Variants in CALN1 observed in about 807,000 individuals in gnomAD.
CALN1 encodes calcium-binding protein 8.
In CALN1, 17 loss-of-function variants were observed where a neutral mutation model predicts 30.6. That is an observed-to-expected ratio of 0.56 (90% CI 0.38 to 0.83). CALN1 has a LOEUF of 0.83. Among genes scored for constraint, CALN1 ranks in the 40% least tolerant of loss-of-function variants. The probability of loss-of-function intolerance (pLI) is 0.00; values close to 1 mark genes in which losing one functional copy is unlikely to be tolerated. For missense variants in CALN1, 291 were observed against 354.9 expected (o/e 0.82, Z 1.45); for synonymous variants, 156 against 131.4 (o/e 1.19, Z -1.28).
chr7:72,138,641 G>T (rs1476282259), intron 3 of CALN1, among the ~76,000 whole-genome samples: 1 of 152,158 alleles, frequency 6.6e-6, no homozygotes, highest in Non-Finnish European at 1.5e-5. Flanking sequence ...GAGGCTGCCT[G>T]CCATCCCATT....
At chr7:72,087,567 G>C (rs2129539412) in intron 4 of CALN1, among the ~76,000 whole-genome samples, 1 of 152,290 alleles carries the variant, frequency 6.6e-6, no homozygotes, top group South Asian at 2.1e-4. Flanking sequence ...AGCCAGATTA[G>C]AAAAGCGACA....
intron 2 of CALN1, among the ~76,000 whole-genome samples, chr7:72,386,743 C>T (rs867100149): frequency 6.6e-6 from 1 of 152,090 alleles, no homozygotes; most frequent in Admixed American, 6.5e-5. Flanking sequence ...TCAAGAGATC[C>T]TCCTACCTCA....
chr7:72,421,371 A>G (rs1012565628), intron 1 of CALN1, among the ~76,000 whole-genome samples: 3 of 152,050 alleles, frequency 2.0e-5, no homozygotes, highest in Non-Finnish European at 4.4e-5. Context: ...GGAAAACCGA[A>G]AGAATAATTC....
chr7:72,026,701 C>A (rs1200236622), intron 4 of CALN1, among the ~76,000 whole-genome samples: 6 of 152,026 alleles, frequency 3.9e-5, no homozygotes, highest in Admixed American at 6.5e-5. Context: ...CAGGCATGAG[C>A]CACCATACCT....
chr7:72,173,574 T>G (rs78948681), intron 3 of CALN1, among the ~76,000 whole-genome samples: 1 of 152,054 alleles, frequency 6.6e-6, no homozygotes, highest in Non-Finnish European at 1.5e-5. Context: ...GAAGGCCCAG[T>G]CAAAAGGACA....
At chr7:72,083,852 T>G (rs919118148) in intron 4 of CALN1, among the ~76,000 whole-genome samples, 1 of 147,952 alleles carries the variant, frequency 6.8e-6, no homozygotes, top group South Asian at 2.2e-4. Context: ...CATATCTAAG[T>G]ACAGCACAGA....
At chr7:72,328,038 G>C (rs886269020) in intron 2 of CALN1, among the ~76,000 whole-genome samples, 2 of 152,016 alleles carry the variant, frequency 1.3e-5, no homozygotes, top group Non-Finnish European at 2.9e-5. Flanking sequence ...AAATGTTAAT[G>C]GTATTGAGAA....
chr7:72,054,292 A>T (rs1309800042), intron 4 of CALN1, among the ~76,000 whole-genome samples: 1 of 151,686 alleles, frequency 6.6e-6, no homozygotes, highest in Non-Finnish European at 1.5e-5. Context: ...TTTTCATAGT[A>T]GCCATTCTTA....
chr7:72,379,616 C>T (rs542301325), intron 2 of CALN1, among the ~76,000 whole-genome samples: 3 of 152,226 alleles, frequency 2.0e-5, no homozygotes, highest in Non-Finnish European at 4.4e-5. Context: ...CAAATTTCAC[C>T]TTGAAAACTC....
At chr7:72,210,887 GA>G (rs1792343151) in intron 3 of CALN1, among the ~76,000 whole-genome samples, 1 of 151,208 alleles carries the variant, frequency 6.6e-6, no homozygotes, top group South Asian at 2.1e-4. Context: ...CCGGTCTCCA[GA>G]AAAAAATTAA....
At chr7:72,024,378 T>C (rs1032427715) in intron 4 of CALN1, among the ~76,000 whole-genome samples, 1 of 152,198 alleles carries the variant, frequency 6.6e-6, no homozygotes, top group Admixed American at 6.6e-5. Flanking sequence ...AATCTCATCA[T>C]GCTTTCTATA....
chr7:72,091,720 G>A (rs1805876149), intron 4 of CALN1, among the ~76,000 whole-genome samples: 2 of 152,320 alleles, frequency 1.3e-5, no homozygotes, highest in Admixed American at 6.5e-5. Context: ...GAACAGTGGA[G>A]ACTGTGGCAG....
intron 2 of CALN1, 49 bp downstream of exon 2, chr7:72,403,202 A>AG: frequency 6.8e-7 from 1 of 1,460,332 alleles, no homozygotes; most frequent in South Asian, 1.2e-5. Flanking sequence ...CCCCTACCTG[A>AG]GGGCTGCCAA....
At chr7:72,236,371 C>T (rs1265104049) in intron 3 of CALN1, among the ~76,000 whole-genome samples, 2 of 152,104 alleles carry the variant, frequency 1.3e-5, no homozygotes, top group Non-Finnish European at 2.9e-5. Flanking sequence ...TCAAGCCCAC[C>T]CGCCCTCCGA....
At chr7:72,269,638 A>G (rs952424164) in intron 3 of CALN1, among the ~76,000 whole-genome samples, 1 of 152,186 alleles carries the variant, frequency 6.6e-6, no homozygotes, top group Non-Finnish European at 1.5e-5. Flanking sequence ...TTGCCCCCCA[A>G]CAGAGCGTAA....
At chr7:72,168,417 G>A (rs775474448) in intron 3 of CALN1, among the ~76,000 whole-genome samples, 2 of 152,142 alleles carry the variant, frequency 1.3e-5, no homozygotes, top group African/African-American at 2.4e-5. Context: ...ACGTATTTAT[G>A]TTTGGCATCA....
At chr7:72,376,387 A>C (rs574085795) in intron 2 of CALN1, among the ~76,000 whole-genome samples, 1 of 152,324 alleles carries the variant, frequency 6.6e-6, no homozygotes, top group East Asian at 1.9e-4. Context: ...ATCCTTTCTG[A>C]AACTTGTTGC....
intron 3 of CALN1, among the ~76,000 whole-genome samples, chr7:72,190,629 A>T (rs1266534087): frequency 6.6e-6 from 1 of 152,220 alleles, no homozygotes; most frequent in African/African-American, 2.4e-5. Context: ...CCTAAAACAA[A>T]TTTAATACAT....
chr7:71,871,459 C>T (rs1378077094), intron 5 of CALN1, among the ~76,000 whole-genome samples: 7 of 152,104 alleles, frequency 4.6e-5, no homozygotes, highest in African/African-American at 1.2e-4. Context: ...CAAGTTGCCA[C>T]CTCCAGGCCG....
Sources: gnomAD v4.1 joint callset for allele counts (sites outside exome capture counted in the v4.1 genomes callset) on GRCh38, gnomAD v4.1.1 for gene constraint, MANE v1.5 for transcripts, NCBI Gene and HGNC (gene_info 2026-07-23, HGNC 2026-07-21) for gene names.